Variants in MAPK8IP1 observed in about 807,000 individuals in gnomAD.
MAPK8IP1 encodes C-Jun-amino-terminal kinase-interacting protein 1.
Under a neutral mutation model 72.6 loss-of-function variants are expected in MAPK8IP1, and 17 were observed. The observed-to-expected ratio is 0.23, with a 90% CI of 0.16 to 0.35. The LOEUF (loss-of-function observed/expected upper bound fraction) is 0.35, where lower values mean the gene tolerates loss of function less well. MAPK8IP1 is among the 10% of genes least tolerant of loss of function. The pLI, the probability that MAPK8IP1 is intolerant of heterozygous loss-of-function variation, is 1.00. For synonymous variants in MAPK8IP1, 401 were observed against 443.4 expected, an observed-to-expected ratio of 0.90 and a Z score of 1.20; for missense variants, 789 against 1,009.7, an observed-to-expected ratio of 0.78 and a Z score of 2.96.
rs762934687 is a variant in MAPK8IP1, at chr11:45,904,830, C to T, written c.1889C>T (p.Ala630Val). ...GTCAAGGCCGATGACTCCCAGGAGGCCAAGGTGACTTCTTCCAACCCAGCC... is the reference window on the plus strand; with the variant it reads ...GTCAAGGCCGATGACTCCCAGGAGGTCAAGGTGACTTCTTCCAACCCAGCC... ...IGVKADDSQE[A>V]KGNKCSHFFQ... The change falls in exon 9 of 12, where the codon GCC becomes GTC. Residue 630 changes from alanine (A) to valine (V), a missense_variant. By Grantham distance (64) the Ala-to-Val change is moderately conservative. Around this residue, in one of 4 missense-constraint regions of MAPK8IP1, gnomAD observed 188 missense variants for 293.3 expected, o/e 0.64. Transcript: ENST00000241014. This position sits in a 1 kb window ranked among gnomAD's most constrained non-coding sequence, Gnocchi z 6.4. 6.2e-7 allele frequency: 1 copy of T among 1,614,024 alleles called. No individual in the cohort carries two copies. Among genetic ancestry groups the T allele is most frequent in the Non-Finnish European group, 8.5e-7 (1 of 1,179,970 alleles).
rs1048016719 is a variant in MAPK8IP1, at chr11:45,885,843, G to A, written c.23G>A (p.Gly8Asp). The part of the protein sequence containing the change: MAERESG[G>D]LGGGAASPPA... ...AGAATGGCGGAGCGAGAAAGCGGCG[G>A]CCTGGGAGGGGGGGCCGCGTCCCCG... is the stretch of plus-strand genomic sequence containing the variant. The change falls in exon 1 of 12, where the codon GGC (glycine) becomes GAC (aspartate). Residue 8 changes from glycine (G) to aspartate (D), a missense_variant. Gly to Asp is a moderately conservative substitution (Grantham distance 94, BLOSUM62 -1). Transcript: ENST00000241014. 4 of 1,444,204 alleles carry A rather than the reference G, an allele frequency of 2.8e-6. No homozygotes were observed. The highest frequency in any genetic ancestry group is 2.9e-5 in the African/African-American group (2 of 67,814). 89.5% of individuals were successfully genotyped at this position (1,444,204 alleles called of 1,614,324 possible).
chr11:45,897,918 T>C (rs532098641), intron 1 of MAPK8IP1, among the ~76,000 whole-genome samples, 167 bp from the exon 2 acceptor site: 19 of 152,204 alleles, frequency 1.2e-4, no homozygotes, highest in Non-Finnish European at 2.2e-4. Flanking sequence ...CCCTCGCTCT[T>C]TCCCTGCCTG....
At position 45,896,492 on chromosome 11, in the gene MAPK8IP1, G is replaced by T. The variant is rs550286105; in HGVS notation, c.102-1593G>T. Reference sequence around the variant, plus strand: ...CTACTTACAAGCCTGGGCCAGGGAGGGGGGGCCACTCAGCCCCCGACAGGG... The same window carrying T: ...CTACTTACAAGCCTGGGCCAGGGAGTGGGGGCCACTCAGCCCCCGACAGGG... On this transcript the variant is annotated intron_variant, in intron 1 of 11. Transcript: ENST00000241014. 1.1e-5 allele frequency: 11 copies of T among 1,015,976 alleles called. No individual in the cohort carries two copies. The African/African-American group carries it at 1.9e-4, about 17-fold the overall frequency. 62.9% of individuals were successfully genotyped at this position (1,015,976 alleles called of 1,614,324 possible). A position where few individuals can be genotyped will look rare whatever the true frequency, so the allele number is the denominator to read the frequency against.
chr11:45,900,317 C>T lies in MAPK8IP1; in HGVS notation c.387C>T (p.Ala129=), dbSNP rs2086641247. The change falls in exon 3 of 12, where the codon GCC becomes GCT. Residue 129 remains alanine (A), a synonymous_variant. Transcript: ENST00000241014. The surrounding 1 kb of genome is among the most constrained non-coding windows in gnomAD (Gnocchi z 6.5). ...GGCCGGGAGCGGGGCCGCCCAAGGC[C>T]GAGTCCGGCCAGGAGCCGGCGTCCC... is the stretch of plus-strand genomic sequence containing the variant. ...ARRPGAGPPK[A]ESGQEPASRG... is the part of the protein sequence containing the mutation. 3 of 1,414,520 alleles carry T rather than the reference C, an allele frequency of 2.1e-6. No homozygotes were observed. Among genetic ancestry groups the T allele is most frequent in the Non-Finnish European group, 2.7e-6 (3 of 1,092,058 alleles). The allele number at this position is 1,414,520 out of a possible 1,614,324, so 87.6% of individuals were successfully genotyped here.
chr11:45,890,722 G>T (rs549494987), intron 1 of MAPK8IP1, among the ~76,000 whole-genome samples: 3 of 152,006 alleles, frequency 2.0e-5, no homozygotes, highest in Non-Finnish European at 4.4e-5. Flanking sequence ...ACCAGAGGGC[G>T]GTGGGCAGGG....
intron 1 of MAPK8IP1, among the ~76,000 whole-genome samples, chr11:45,886,130 T>A (rs1200641027): frequency 1.3e-5 from 2 of 152,166 alleles, no homozygotes; most frequent in African/African-American, 4.8e-5. Flanking sequence ...ACGAGGCTGT[T>A]CCCTCCGCCA....
chr11:45,896,741 G>T, intron 1 of MAPK8IP1: 1 of 1,471,428 alleles, frequency 6.8e-7, no homozygotes, highest in Non-Finnish European at 9.0e-7. Flanking sequence ...TTCTGCAGCA[G>T]GCAGGACGCA....
Position 45,898,132 on chromosome 11 carries a change from C to G in MAPK8IP1, c.149C>G (p.Ser50Trp). The change falls in exon 2 of 12, where the codon TCG becomes TGG. Residue 50 changes from serine to tryptophan, a missense_variant. Ser to Trp is a radical substitution (Grantham distance 177). This residue lies in a region of MAPK8IP1 where 112 missense variants were observed against 111.8 expected (regional missense o/e 1.00). Transcript: ENST00000241014. ...SLEEFEDEDLSEITDECGISL... is the reference protein window; with the variant it reads ...SLEEFEDEDLWEITDECGISL... ...GAGGAGTTTGAGGATGAAGACCTCT[C>G]GGAGATCACTGATGAGTGTGGCATC... The G allele has an allele frequency of 4.3e-6, 7 of 1,613,754 alleles. No homozygotes were observed. Among genetic ancestry groups the G allele is most frequent in the Non-Finnish European group, 5.9e-6 (7 of 1,179,826 alleles).
At chr11:45,898,222 G>T (rs1487324915) in intron 2 of MAPK8IP1, 32 bp downstream of exon 2, 2 of 1,514,766 alleles carry the variant, frequency 1.3e-6, no homozygotes, top group Non-Finnish European at 1.8e-6. Context: ...CTCCTGAGTG[G>T]GGTGGCAGGA....
chr11:45,886,555 G>T (rs1200327705), intron 1 of MAPK8IP1, among the ~76,000 whole-genome samples: 1 of 152,198 alleles, frequency 6.6e-6, no homozygotes, highest in Non-Finnish European at 1.5e-5. Context: ...CTCGGCTCTG[G>T]AGTAGCCAGG....
chr11:45,905,567 C>T, intron 11 of MAPK8IP1, 82 bp from the exon 12 acceptor site: 2 of 1,286,744 alleles, frequency 1.6e-6, no homozygotes, highest in Non-Finnish European at 2.3e-6. Context: ...CCCAAGGCTC[C>T]AGCGGGAAAA....
rs764613316 is a variant in MAPK8IP1, at chr11:45,903,331, G to C, written c.1418-34G>C. The C allele has an allele frequency of 1.9e-6, 3 of 1,607,792 alleles. No individual in the cohort carries two copies. In the East Asian group the frequency reaches 6.7e-5, roughly 36 times the overall value. On this transcript the variant is annotated intron_variant, in intron 5 of 11. Coordinates refer to ENST00000241014, the MANE Select transcript of MAPK8IP1 (RefSeq NM_005456.4). This position sits in a 1 kb window ranked among gnomAD's most constrained non-coding sequence, Gnocchi z 6.4. ...CCCGCTAAACCTGGATCAGAGCTGC[G>C]ACCCCCCATCCAGCCACACCACCTC...
In MAPK8IP1 at chr11:45,905,004, A is replaced by T. The variant is rs192633269; in HGVS notation, c.1927A>T (p.Asn643Tyr). 12 of 1,614,150 alleles carry T rather than the reference A, an allele frequency of 7.4e-6. No individual in the cohort carries two copies. The African/African-American group carries it at 1.6e-4, about 22-fold the overall frequency. ...NKCSHFFQLKNISFCGYHPKN... is the reference protein window; with the variant it reads ...NKCSHFFQLKYISFCGYHPKN... ...ATGTAGCCACTTTTTCCAGTTAAAA[A>T]ACATCTCTTTCTGCGGATATCATCC... Residue 643 changes from asparagine (N) to tyrosine (Y), a missense_variant, in exon 10 of 12, where the codon AAC becomes TAC. Physicochemically the swap from Asn to Tyr is moderately radical, Grantham distance 143. Coordinates refer to ENST00000241014, the MANE Select transcript of MAPK8IP1 (RefSeq NM_005456.4).
In MAPK8IP1 at chr11:45,903,151, A is replaced by T. The variant is rs748393933; in HGVS notation, c.1384A>T (p.Asn462Tyr). 3.2e-5 allele frequency: 51 copies of T among 1,606,164 alleles called. No homozygotes were observed. Among genetic ancestry groups the T allele is most frequent in the Non-Finnish European group, 4.3e-5 (51 of 1,176,466 alleles). Residue 462 changes from asparagine to tyrosine, a missense_variant, in exon 5 of 12, where the codon AAC (asparagine) becomes TAC (tyrosine). By Grantham distance (143) the Asn-to-Tyr change is moderately radical. Around this residue, in one of 4 missense-constraint regions of MAPK8IP1, gnomAD observed 377 missense variants for 411.7 expected, o/e 0.92. Transcript: ENST00000241014. This position sits in a 1 kb window ranked among gnomAD's most constrained non-coding sequence, Gnocchi z 6.4. ...CGTCCATTTCTCCAAGAAATTCCTG[A>T]ACGTCTTCATGAGTGGCCGCTCCCG... ...PDVHFSKKFL[N>Y]VFMSGRSRSS...
In MAPK8IP1 at chr11:45,904,761, C is replaced by G. The variant is rs762873706; in HGVS notation, c.1820C>G (p.Ser607Cys). The change falls in exon 9 of 12, where the codon TCC becomes TGC. Residue 607 changes from serine to cysteine, a missense_variant. Physicochemically the swap from Ser to Cys is moderately radical, Grantham distance 112. This residue lies in a region of MAPK8IP1 where 188 missense variants were observed against 293.3 expected (regional missense o/e 0.64). Transcript: ENST00000241014. The surrounding 1 kb of genome is among the most constrained non-coding windows in gnomAD (Gnocchi z 6.4). ...CTCACCGTGCACTTTAACCCGCCCT[C>G]CAGCTGTGTCCTGGAGATCAGCGTG... is the stretch of plus-strand genomic sequence containing the variant. Reference protein sequence around the residue: ...RRLTVHFNPPSSCVLEISVRG... With the variant: ...RRLTVHFNPPCSCVLEISVRG... The G allele has an allele frequency of 1.2e-6, 2 of 1,614,038 alleles. No individual in the cohort carries two copies. The highest frequency in any genetic ancestry group is 1.7e-6 in the Non-Finnish European group (2 of 1,180,038).
rs2086684644 is a variant in MAPK8IP1 at position 45,904,313 on chromosome 11, G to A, written c.1667-142G>A. The stretch of plus-strand genomic sequence containing the variant: ...CCTTTTCACGATCAAGCAAAGTGAG[G>A]CCCGGCCAAGTTGGGCAGCCAGGGA... On this transcript the variant is annotated intron_variant, in intron 7 of 11. Coordinates refer to ENST00000241014, the MANE Select transcript of MAPK8IP1 (RefSeq NM_005456.4). The surrounding 1 kb of genome is among the most constrained non-coding windows in gnomAD (Gnocchi z 6.4). 1.7e-6 allele frequency: 2 copies of A among 1,201,566 alleles called. No homozygotes were observed. Among genetic ancestry groups the A allele is most frequent in the Non-Finnish European group, 2.4e-6 (2 of 828,988 alleles). The allele number at this position is 1,201,566 out of a possible 1,614,324, so 74.4% of individuals were successfully genotyped here.
intron 1 of MAPK8IP1, among the ~76,000 whole-genome samples, chr11:45,891,123 A>G (rs545324995): frequency 7.2e-5 from 11 of 152,002 alleles, no homozygotes; most frequent in Non-Finnish European, 1.3e-4. Context: ...CAGAATTTCA[A>G]CCCCAGCTCG....
chr11:45,906,449 G>A lies in MAPK8IP1; in HGVS notation c.*728G>A, dbSNP rs1434222222. 16 of 1,295,292 alleles carry A rather than the reference G, an allele frequency of 1.2e-5. No individual in the cohort carries two copies. The highest frequency in any genetic ancestry group is 1.6e-5 in the Non-Finnish European group (16 of 972,168). The allele number at this position is 1,295,292 out of a possible 1,614,324, so 80.2% of individuals were successfully genotyped here. A position where few individuals can be genotyped will look rare whatever the true frequency, so the allele number is the denominator to read the frequency against. On this transcript the variant is annotated 3_prime_UTR_variant, in exon 12 of 12. Transcript: ENST00000241014. ...TCACCCTGGCCCCAACTATTAAAGT[G>A]CCATTTCCTGTCTGGACTGCAGTGG...
chr11:45,903,211 G>A lies in MAPK8IP1; in HGVS notation c.1417+27G>A, dbSNP rs1348932543. On this transcript the variant is annotated intron_variant, in intron 5 of 11. Coordinates refer to ENST00000241014, the MANE Select transcript of MAPK8IP1 (RefSeq NM_005456.4). The surrounding 1 kb of genome is among the most constrained non-coding windows in gnomAD (Gnocchi z 6.4). ...TGAGTCAGCAAGGGGAAGCAGTGGGGTGGGGGGGTCCCTAGCGGGGGCAGA... is the reference window on the plus strand; with the variant it reads ...TGAGTCAGCAAGGGGAAGCAGTGGGATGGGGGGGTCCCTAGCGGGGGCAGA... 4 of 1,594,540 alleles carry A rather than the reference G, an allele frequency of 2.5e-6. No homozygotes were observed. Among genetic ancestry groups the A allele is most frequent in the South Asian group, 2.2e-5 (2 of 90,024 alleles).
Sources: gnomAD v4.1 joint callset for allele counts (sites outside exome capture counted in the v4.1 genomes callset) on GRCh38, gnomAD v4.1.1 for gene constraint, gnomAD v4.1.1 regional missense constraint, Gnocchi (gnomAD v3.1) non-coding constraint, MANE v1.5 for transcripts, NCBI Gene and HGNC (gene_info 2026-07-23, HGNC 2026-07-21) for gene names.